DLGAP1: variants seen among roughly 807,000 people sequenced by gnomAD.
DLGAP1 encodes the protein disks large-associated protein 1.
DLGAP1 carries 11 observed loss-of-function variants against 90.8 expected under a neutral mutation model. The ratio of observed to expected loss-of-function variants is 0.12; its 90% CI spans 0.08 to 0.20. The LOEUF (loss-of-function observed/expected upper bound fraction) is 0.20. Among genes scored for constraint, DLGAP1 ranks in the 10% least tolerant of loss-of-function variants. DLGAP1 has a pLI of 1.00. For synonymous variants in DLGAP1, 558 were observed against 540.7 expected (o/e 1.03, Z -0.44); for missense variants, 1,050 against 1,333.8 (o/e 0.79, Z 3.31).
chr18:3,589,974 C>T (rs1418662231), intron 7 of DLGAP1, among the ~76,000 whole-genome samples: 2 of 152,162 alleles, frequency 1.3e-5, no homozygotes, highest in Admixed American at 6.5e-5. Context: ...GCAATGGCAC[C>T]GTCTCGGCTC....
At chr18:4,225,250 C>T (rs990847729) in intron 1 of DLGAP1, among the ~76,000 whole-genome samples, 3 of 152,114 alleles carry the variant, frequency 2.0e-5, no homozygotes, top group Admixed American at 6.5e-5. Context: ...CCACTTAATG[C>T]AGTTATGGTT....
rs1348359705 is a variant in DLGAP1 at position 4,069,953 on chromosome 18, C to G, written c.-158-64752G>C. 1.3e-5 allele frequency among the ~76,000 whole-genome samples: 2 copies of G among 151,864 alleles called. 1 individual carries two copies. The highest frequency in any genetic ancestry group is 4.8e-5 in the African/African-American group (2 of 41,362). ...TTTTAATTCAAACTGAGACAACAGA[C>G]AAAGGCTTAATCCATATTTTCTTTT... On this transcript the variant is annotated intron_variant, in intron 2 of 12. Transcript: ENST00000315677.
chr18:4,448,515 G>A (rs1388982488), intron 1 of DLGAP1, among the ~76,000 whole-genome samples: 2 of 152,066 alleles, frequency 1.3e-5, no homozygotes, highest in African/African-American at 4.8e-5. Context: ...TAAAGCACAT[G>A]CAAATCTAGA....
At chr18:4,043,984 T>C (rs2075013586) in intron 2 of DLGAP1, among the ~76,000 whole-genome samples, 1 of 152,226 alleles carries the variant, frequency 6.6e-6, no homozygotes, top group African/African-American at 2.4e-5. Context: ...TAACTGTGCA[T>C]TTAAAAAGTA....
chr18:4,097,018 CCTCT>C (rs1432895471), intron 2 of DLGAP1, among the ~76,000 whole-genome samples: 1 of 152,188 alleles, frequency 6.6e-6, no homozygotes, highest in African/African-American at 2.4e-5. Flanking sequence ...ACAGGGGTCT[CCTCT>C]CTCTTTCAAA....
At chr18:4,217,029 A>G (rs1310300276) in intron 1 of DLGAP1, among the ~76,000 whole-genome samples, 4 of 152,016 alleles carry the variant, frequency 2.6e-5, no homozygotes, top group Non-Finnish European at 5.9e-5. Flanking sequence ...TGTGTTCCAT[A>G]TATCCGTCCG....
chr18:4,016,186 A>G (rs1205918368), intron 2 of DLGAP1, among the ~76,000 whole-genome samples: 2 of 152,254 alleles, frequency 1.3e-5, no homozygotes, highest in Non-Finnish European at 2.9e-5. Context: ...ATATAGGAGA[A>G]AGAACACAAA....
At chr18:3,555,045 TAAAA>T (rs900203190) in intron 9 of DLGAP1, among the ~76,000 whole-genome samples, 1 of 149,676 alleles carries the variant, frequency 6.7e-6, no homozygotes, top group Non-Finnish European at 1.5e-5. Flanking sequence ...ACCAGATAAT[TAAAA>T]AAAAAATACC....
rs989540028 is a variant in DLGAP1, at chr18:3,526,785, G to C, written c.2479+7409C>G. On this transcript the variant is annotated intron_variant, in intron 10 of 12. Coordinates refer to ENST00000315677, the MANE Select transcript of DLGAP1 (RefSeq NM_004746.4). The surrounding 1 kb of genome is among the most constrained non-coding windows in gnomAD (Gnocchi z 4.7). ...CATCCCCGGTTAGATAATACCAGAC[G>C]TATCTATGTAACATACAAGCCACTG... Among the ~76,000 whole-genome samples, 2 of 152,154 alleles carry C rather than the reference G, an allele frequency of 1.3e-5. No individual in the cohort carries two copies. The highest frequency in any genetic ancestry group is 6.5e-5 in the Admixed American group (1 of 15,276).
intron 6 of DLGAP1, among the ~76,000 whole-genome samples, chr18:3,734,610 A>G (rs112141561): frequency 2.8e-4 from 43 of 152,310 alleles, no homozygotes; most frequent in African/African-American, 9.9e-4. Flanking sequence ...TTGCTGCTCT[A>G]TGTCAAGAAT....
In DLGAP1 at chr18:3,497,329, C is replaced by T. The variant is rs751793904; in HGVS notation, c.*1856G>A. On this transcript the variant is annotated 3_prime_UTR_variant, in exon 13 of 13. Coordinates refer to ENST00000315677, the MANE Select transcript of DLGAP1 (RefSeq NM_004746.4). ...CACAAAGCACTTTGAGTGCTTTGTTCACCCTAGTTAAAAGTTGGTTCGTTG... is the reference window on the plus strand; with the variant it reads ...CACAAAGCACTTTGAGTGCTTTGTTTACCCTAGTTAAAAGTTGGTTCGTTG... 1.9e-4 allele frequency: 29 copies of T among 152,258 alleles called. No individual in the cohort carries two copies. Among genetic ancestry groups the T allele is most frequent in the Non-Finnish European group, 3.1e-4 (21 of 68,016 alleles). 9.4% of individuals were successfully genotyped at this position (152,258 alleles called of 1,614,324 possible).
At chr18:4,057,412 CTG>C (rs2075236746) in intron 2 of DLGAP1, among the ~76,000 whole-genome samples, 1 of 152,188 alleles carries the variant, frequency 6.6e-6, no homozygotes, top group Non-Finnish European at 1.5e-5. Context: ...AGTAAACACA[CTG>C]TGTGTGCAGC....
chr18:3,582,256 A>G lies in DLGAP1; in HGVS notation c.1592-8T>C. On this transcript the variant is annotated splice_polypyrimidine_tract_variant and splice_region_variant and intron_variant, in intron 7 of 12. Coordinates refer to ENST00000315677, the MANE Select transcript of DLGAP1 (RefSeq NM_004746.4). ...TTGTAATGCAAGATGACACTGGAAG[A>G]CAGTGAAAACAAAGACAATGTGATT... 1 of 1,602,636 alleles carries G rather than the reference A, an allele frequency of 6.2e-7. No homozygotes were observed. The highest frequency in any genetic ancestry group is 8.5e-7 in the Non-Finnish European group (1 of 1,173,368).
intron 1 of DLGAP1, among the ~76,000 whole-genome samples, chr18:4,410,702 A>G (rs1420052853): frequency 6.6e-6 from 1 of 152,060 alleles, no homozygotes; most frequent in East Asian, 1.9e-4. Context: ...ATATATATAT[A>G]TAATCAAAAG....
intron 2 of DLGAP1, among the ~76,000 whole-genome samples, chr18:4,010,216 G>A (rs1364303021): frequency 6.6e-6 from 1 of 152,072 alleles, no homozygotes; most frequent in Non-Finnish European, 1.5e-5. Flanking sequence ...TGCTGAGAAG[G>A]CAACACAATA....
chr18:3,885,715 T>C (rs1187511258), intron 3 of DLGAP1, among the ~76,000 whole-genome samples: 1 of 152,230 alleles, frequency 6.6e-6, no homozygotes, highest in African/African-American at 2.4e-5. Flanking sequence ...TGTTTTATTG[T>C]CCTTCTAAGT....
chr18:4,137,407 T>C (rs147507027), intron 2 of DLGAP1, among the ~76,000 whole-genome samples: 1 of 152,312 alleles, frequency 6.6e-6, no homozygotes, highest in Non-Finnish European at 1.5e-5. Flanking sequence ...ATGTTCTTGG[T>C]ACCTTTGTTT....
chr18:4,103,364 T>C (rs1223773140), intron 2 of DLGAP1, among the ~76,000 whole-genome samples: 3 of 152,254 alleles, frequency 2.0e-5, no homozygotes, highest in East Asian at 3.9e-4. Context: ...TTGTCTTCAA[T>C]AGGTTTTATA....
chr18:4,291,504 C>A (rs1251986470), intron 1 of DLGAP1, among the ~76,000 whole-genome samples: 1 of 152,106 alleles, frequency 6.6e-6, no homozygotes, highest in African/African-American at 2.4e-5. Flanking sequence ...GTCATGTATA[C>A]ATATATGGCA....
Sources: allele counts gnomAD v4.1 joint callset (sites outside exome capture counted in the v4.1 genomes callset), GRCh38; gene constraint gnomAD v4.1.1; non-coding constraint Gnocchi (gnomAD v3.1); transcripts MANE v1.5; gene names NCBI Gene and HGNC (gene_info 2026-07-23, HGNC 2026-07-21).